Variants in LAMA3 observed in about 807,000 individuals in gnomAD.
LAMA3 encodes laminin subunit alpha-3.
A neutral mutation model predicts 402.0 loss-of-function variants in LAMA3; 281 were observed. The ratio of observed to expected loss-of-function variants is 0.70; its 90% CI spans 0.63 to 0.77. The LOEUF is 0.77. Ranked by LOEUF, LAMA3 falls within the 30% of genes least tolerant of loss-of-function variation. The pLI, the probability that LAMA3 is intolerant of heterozygous loss-of-function variation, is 0.00. For synonymous variants in LAMA3, 1,431 were observed against 1,558.4 expected (o/e 0.92, Z 1.93); for missense variants, 3,840 against 4,215.5 (o/e 0.91, Z 2.47).
At chr18:23,856,781 C>G (rs540231145) in intron 32 of LAMA3, among the ~76,000 whole-genome samples, 1 of 152,186 alleles carries the variant, frequency 6.6e-6, no homozygotes, top group South Asian at 2.1e-4. Context: ...TCCTTGTCTT[C>G]TCTTCTTTCC....
chr18:23,872,558 C>G (rs1473513599), intron 38 of LAMA3, among the ~76,000 whole-genome samples: 2 of 152,170 alleles, frequency 1.3e-5, no homozygotes, highest in Non-Finnish European at 2.9e-5. Flanking sequence ...GTGATCTGCG[C>G]ATACGAGTTC....
intron 58 of LAMA3, 33 bp downstream of exon 58, chr18:23,914,893 A>G (rs2081561750): frequency 1.3e-6 from 2 of 1,541,676 alleles, no homozygotes; most frequent in Non-Finnish European, 1.8e-6. Flanking sequence ...TGAATTAAAT[A>G]TTAAAATTTT....
At chr18:23,790,846 G>A (rs374730049) in intron 12 of LAMA3, among the ~76,000 whole-genome samples, 9 of 151,882 alleles carry the variant, frequency 5.9e-5, no homozygotes, top group African/African-American at 2.2e-4. Flanking sequence ...AAGGACCAAA[G>A]AGATAAACAT....
At chr18:23,838,935 G>GTT in intron 26 of LAMA3, 57 bp downstream of exon 26, 2 of 1,041,104 alleles carry the variant, frequency 1.9e-6, no homozygotes, top group Admixed American at 3.4e-5. Context: ...TGGGATGAGT[G>GTT]TAAGGCTGAA....
intron 12 of LAMA3, among the ~76,000 whole-genome samples, chr18:23,806,798 G>A (rs1431998470): frequency 6.6e-6 from 1 of 152,198 alleles, no homozygotes; most frequent in African/African-American, 2.4e-5. Flanking sequence ...GAGGCTGTAG[G>A]AGATAAGGAT....
At chr18:23,798,103 C>G (rs1226819899) in intron 12 of LAMA3, among the ~76,000 whole-genome samples, 1 of 152,076 alleles carries the variant, frequency 6.6e-6, no homozygotes, top group Non-Finnish European at 1.5e-5. Context: ...CTCCTTTTTT[C>G]CGCTATTCTT....
At chr18:23,929,262 A>G (rs566401425) in intron 64 of LAMA3, among the ~76,000 whole-genome samples, 3 of 152,220 alleles carry the variant, frequency 2.0e-5, no homozygotes, top group African/African-American at 7.2e-5. Flanking sequence ...CCTCATGTAC[A>G]ACAGAGCCAC....
At chr18:23,721,659 A>G (rs538512162) in intron 2 of LAMA3, among the ~76,000 whole-genome samples, 2 of 152,106 alleles carry the variant, frequency 1.3e-5, no homozygotes, top group South Asian at 4.2e-4. Flanking sequence ...CCCACTTACC[A>G]TTTAGTAAAC....
intron 1 of LAMA3, among the ~76,000 whole-genome samples, chr18:23,699,674 A>G (rs1277621915): frequency 6.6e-6 from 1 of 152,172 alleles, no homozygotes; most frequent in Non-Finnish European, 1.5e-5. Context: ...CCCACATTGT[A>G]AACTTGCGTT....
At chr18:23,873,697 C>T (rs1008321395) in intron 38 of LAMA3, among the ~76,000 whole-genome samples, 12 of 152,160 alleles carry the variant, frequency 7.9e-5, no homozygotes, top group African/African-American at 2.9e-4. Context: ...AAATTCTGCT[C>T]TCTTTAAACT....
intron 11 of LAMA3, 103 bp downstream of exon 11, chr18:23,777,722 C>T (rs2062353315): frequency 3.3e-6 from 3 of 897,026 alleles, no homozygotes; most frequent in Admixed American, 3.5e-5. Flanking sequence ...AGTCTCCCTT[C>T]CTAGAGCATG....
intron 69 of LAMA3, among the ~76,000 whole-genome samples, chr18:23,944,410 C>A: frequency 6.6e-6 from 1 of 152,198 alleles, no homozygotes; most frequent in East Asian, 1.9e-4. Flanking sequence ...CTATTTATTT[C>A]TCTAATGAGG....
chr18:23,789,292 C>T (rs2062606179), intron 12 of LAMA3, among the ~76,000 whole-genome samples: 2 of 152,260 alleles, frequency 1.3e-5, no homozygotes, highest in East Asian at 1.9e-4. Flanking sequence ...CATAAAGTTA[C>T]CATGCTACCC....
At chr18:23,736,739 C>T (rs1171839066) in intron 2 of LAMA3, among the ~76,000 whole-genome samples, 1 of 152,078 alleles carries the variant, frequency 6.6e-6, no homozygotes, top group Non-Finnish European at 1.5e-5. Context: ...GCACAGAAGG[C>T]TCCCAGGATT....
intron 6 of LAMA3, among the ~76,000 whole-genome samples, chr18:23,754,523 G>C (rs2061808542): frequency 6.6e-6 from 1 of 152,184 alleles, no homozygotes; most frequent in Non-Finnish European, 1.5e-5. Flanking sequence ...TTTGTTCAAA[G>C]CTGAACAGTA....
In LAMA3 at chr18:23,909,299, A is replaced by AC; in HGVS notation, c.7158+4_7158+5insC. On this transcript the variant is annotated splice_donor_region_variant and intron_variant, in intron 55 of 74. Transcript: ENST00000313654. Reference sequence around the variant, plus strand: ...GGCCAGAGATGCTGCCAGTAAGGTGAGTGTGTCCCCACGTGGTCAGTGGCC... The same window carrying AC: ...GGCCAGAGATGCTGCCAGTAAGGTGACGTGTGTCCCCACGTGGTCAGTGGCC... 1 of 1,611,002 alleles carries AC rather than the reference A, an allele frequency of 6.2e-7. No individual in the cohort carries two copies. Among genetic ancestry groups the AC allele is most frequent in the Non-Finnish European group, 8.5e-7 (1 of 1,179,782 alleles).
chr18:23,775,247 C>T lies in LAMA3; in HGVS notation c.1274-545C>T, dbSNP rs181726780. Among the ~76,000 whole-genome samples the T allele has an allele frequency of 1.6e-4, 24 of 152,268 alleles. 1 individual carries two copies. In the East Asian group the frequency reaches 2.5e-3, roughly 16 times the overall value. On this transcript the variant is annotated intron_variant, in intron 9 of 74. Transcript: ENST00000313654. ...CCAGTGCAAGCCTGATAATCGTGCC[C>T]GATAATCGTTTTTGGTTGCAAAAGC...
chr18:23,872,921 G>C, intron 38 of LAMA3: 2 of 1,238,380 alleles, frequency 1.6e-6, no homozygotes, highest in Non-Finnish European at 2.3e-6. Context: ...TTTAAAGGTG[G>C]GGCCCCTGCC....
chr18:23,820,809 G>A (rs976986064), intron 19 of LAMA3, among the ~76,000 whole-genome samples: 6 of 152,080 alleles, frequency 3.9e-5, no homozygotes, highest in Admixed American at 3.9e-4. Context: ...ACTGCTGCTT[G>A]CTGTTGCTAC....
Sources: gnomAD v4.1 joint callset for allele counts (sites outside exome capture counted in the v4.1 genomes callset) on GRCh38, gnomAD v4.1.1 for gene constraint, MANE v1.5 for transcripts, NCBI Gene and HGNC (gene_info 2026-07-23, HGNC 2026-07-21) for gene names.